The following ATP10A variants were observed in gnomAD, a reference collection of about 807,000 sequenced individuals.
ATP10A encodes the protein phospholipid-transporting ATPase VA.
A neutral mutation model predicts 147.8 loss-of-function variants in ATP10A; 111 were observed. That is an observed-to-expected ratio of 0.75 (90% confidence interval 0.64 to 0.88). The LOEUF (loss-of-function observed/expected upper bound fraction) is 0.88, where lower values mean the gene tolerates loss of function less well. ATP10A is among the 40% of genes least tolerant of loss of function. ATP10A has a pLI of 0.00. For missense variants in ATP10A, 1,927 were observed against 1,959.0 expected, an observed-to-expected ratio of 0.98 and a Z score of 0.31; for synonymous variants, 875 against 841.6, an observed-to-expected ratio of 1.04 and a Z score of -0.69.
intron 2 of ATP10A, among the ~76,000 whole-genome samples, chr15:25,776,827 G>A (rs1395353126): frequency 1.3e-5 from 2 of 152,098 alleles, no homozygotes; most frequent in Non-Finnish European, 2.9e-5. Context: ...TCCGCCTCTG[G>A]GGCACCATCT....
intron 19 of ATP10A, 118 bp from the exon 20 acceptor site, chr15:25,680,426 C>T: frequency 1.8e-6 from 2 of 1,116,352 alleles, no homozygotes; most frequent in Non-Finnish European, 2.6e-6. Context: ...CCTTCAGACA[C>T]ACTGCGGTCT....
At chr15:25,688,583 T>C (rs1219515632) in intron 15 of ATP10A, among the ~76,000 whole-genome samples, 1 of 147,694 alleles carries the variant, frequency 6.8e-6, no homozygotes, top group Non-Finnish European at 1.5e-5. Context: ...TAAATGTCTT[T>C]GGAAAAAAAA....
chr15:25,805,842 T>C (rs1305352928), intron 1 of ATP10A, among the ~76,000 whole-genome samples: 1 of 152,172 alleles, frequency 6.6e-6, no homozygotes. Context: ...AAACAGAGAC[T>C]AAAGGAAAAT....
rs1413362175 is a variant in ATP10A, at chr15:25,730,151, AAT to A, written c.741-2887_741-2886del. ...ACTAAAAATACAAAAAAAAAAAAAA[AAT>A]AGCCAGGCATGGTGGTACACACCTG... is the stretch of plus-strand genomic sequence containing the variant. On this transcript the variant is annotated intron_variant, in intron 3 of 20. Transcript: ENST00000555815. 3.6e-3 allele frequency among the ~76,000 whole-genome samples: 552 copies of A among 151,550 alleles called. 4 individuals are homozygous for A. The highest frequency in any genetic ancestry group is 0.02 in the Middle Eastern group (6 of 294).
chr15:25,710,816 G>T (rs576652578), intron 10 of ATP10A: 1 of 152,322 alleles, frequency 6.6e-6, no homozygotes, highest in East Asian at 1.9e-4. Flanking sequence ...GTGGCCTGAG[G>T]TTTACACCTT....
chr15:25,845,787 C>T lies in ATP10A; in HGVS notation c.449+16861G>A, dbSNP rs928643960. On this transcript the variant is annotated intron_variant, in intron 1 of 20. Transcript: ENST00000555815. ...GCCCTAGGCACCACCCCAACAAAGC[C>T]GTCCCGGAATCCATGCAGAATGTCT... is the stretch of plus-strand genomic sequence containing the variant. Among the ~76,000 whole-genome samples the T allele has an allele frequency of 5.3e-5, 8 of 152,160 alleles. No individual in the cohort carries two copies. In the East Asian group the frequency reaches 5.8e-4, roughly 11 times the overall value.
intron 15 of ATP10A, 85 bp downstream of exon 15, chr15:25,691,630 G>T: frequency 2.9e-6 from 4 of 1,372,690 alleles, no homozygotes; most frequent in Non-Finnish European, 4.2e-6. Context: ...AGAGCCCAGA[G>T]GAAGTCGGGG....
intron 2 of ATP10A, among the ~76,000 whole-genome samples, chr15:25,777,740 C>T (rs1269277921): frequency 6.6e-6 from 1 of 151,644 alleles, no homozygotes; most frequent in African/African-American, 2.4e-5. Flanking sequence ...GCTAGGACCA[C>T]AGCTGCACAC....
chr15:25,732,691 G>A (rs1235587392), intron 3 of ATP10A, among the ~76,000 whole-genome samples: 1 of 151,098 alleles, frequency 6.6e-6, no homozygotes, highest in African/African-American at 2.4e-5. Context: ...GAGTAGCTGG[G>A]ACTACAGGCG....
chr15:25,839,161 G>A (rs1310063471), intron 1 of ATP10A, among the ~76,000 whole-genome samples: 1 of 152,186 alleles, frequency 6.6e-6, no homozygotes, highest in Non-Finnish European at 1.5e-5. Context: ...AGTGTCACAG[G>A]TGAAGGGCTG....
At chr15:25,801,194 A>T (rs1172861629) in intron 1 of ATP10A, among the ~76,000 whole-genome samples, 8 of 152,226 alleles carry the variant, frequency 5.3e-5, no homozygotes, top group Admixed American at 2.6e-4. Context: ...ATGTGCTCCA[A>T]ATGCCCAAGG....
At chr15:25,826,595 G>A (rs187145062) in intron 1 of ATP10A, among the ~76,000 whole-genome samples, 664 of 152,170 alleles carry the variant, frequency 4.4e-3, no homozygotes, top group Non-Finnish European at 6.4e-3. Flanking sequence ...AGGAGTTTAC[G>A]ACCAGCCTGG....
chr15:25,777,716 C>T (rs1255461133), intron 2 of ATP10A, among the ~76,000 whole-genome samples: 5 of 151,864 alleles, frequency 3.3e-5, no homozygotes, highest in African/African-American at 1.2e-4. Context: ...CCTTCCCATT[C>T]AATCCCTTGA....
At chr15:25,681,178 T>TACC (rs1555453735) in intron 17 of ATP10A, 104 bp from the exon 18 acceptor site, 1 of 1,129,398 alleles carries the variant, frequency 8.9e-7, no homozygotes, top group Non-Finnish European at 1.3e-6. Flanking sequence ...ACAACAACAA[T>TACC]AACAACAAAA....
chr15:25,809,594 A>G (rs1891340990), intron 1 of ATP10A, among the ~76,000 whole-genome samples: 1 of 152,152 alleles, frequency 6.6e-6, no homozygotes, highest in African/African-American at 2.4e-5. Context: ...TTCTGCTTTA[A>G]ACCCTTCGTT....
intron 1 of ATP10A, among the ~76,000 whole-genome samples, chr15:25,781,859 C>A (rs967031301): frequency 6.6e-6 from 1 of 152,074 alleles, no homozygotes; most frequent in African/African-American, 2.4e-5. Context: ...AGGCTTCTTT[C>A]TAGGAAGATA....
intron 1 of ATP10A, chr15:25,841,496 T>C (rs1390300187): frequency 1.3e-5 from 2 of 152,002 alleles, no homozygotes; most frequent in Non-Finnish European, 2.9e-5. Context: ...GAGAAGTGAG[T>C]GCTTCCACTT....
At chr15:25,699,269 G>A (rs1325162757) in intron 13 of ATP10A, among the ~76,000 whole-genome samples, 1 of 152,072 alleles carries the variant, frequency 6.6e-6, no homozygotes, top group East Asian at 1.9e-4. Flanking sequence ...ACAAATGAAT[G>A]GAACAGAACA....
intron 1 of ATP10A, among the ~76,000 whole-genome samples, chr15:25,856,482 G>A (rs1209679105): frequency 6.6e-6 from 1 of 152,154 alleles, no homozygotes; most frequent in African/African-American, 2.4e-5. Flanking sequence ...GACTAATAGA[G>A]TTAGCGTTAG....
Sources: gnomAD v4.1 joint callset for allele counts (sites outside exome capture counted in the v4.1 genomes callset) on GRCh38, gnomAD v4.1.1 for gene constraint, MANE v1.5 for transcripts, NCBI Gene and HGNC (gene_info 2026-07-23, HGNC 2026-07-21) for gene names.